SUSD4: variants seen among roughly 807,000 people sequenced by gnomAD.
SUSD4 encodes the protein sushi domain containing 4, also known as sushi domain-containing protein 4.
SUSD4 carries 41 observed loss-of-function variants against 50.5 expected under a neutral mutation model. The ratio of observed to expected loss-of-function variants is 0.81; its 90% CI spans 0.63 to 1.05. The LOEUF (loss-of-function observed/expected upper bound fraction) is 1.05. Ranked by LOEUF, SUSD4 falls within the 50% of genes least tolerant of loss-of-function variation. SUSD4 has a pLI of 0.00. For synonymous variants in SUSD4, 257 were observed against 257.3 expected, an observed-to-expected ratio of 1.00 and a Z score of 0.01; for missense variants, 580 against 634.7, an observed-to-expected ratio of 0.91 and a Z score of 0.93.
intron 2 of SUSD4, among the ~76,000 whole-genome samples, chr1:223,361,784 T>TAG (rs1377846545): frequency 6.6e-6 from 1 of 152,184 alleles, no homozygotes; most frequent in African/African-American, 2.4e-5. Flanking sequence ...GAATGAAAGC[T>TAG]AGAACTGGGA....
chr1:223,272,527 A>G (rs903836796), intron 3 of SUSD4, among the ~76,000 whole-genome samples: 3 of 152,250 alleles, frequency 2.0e-5, no homozygotes, highest in African/African-American at 7.2e-5. Context: ...TAGTAACAGT[A>G]AAAGAAATCT....
chr1:223,330,498 A>G (rs1166008944), intron 2 of SUSD4, among the ~76,000 whole-genome samples: 2 of 152,234 alleles, frequency 1.3e-5, no homozygotes, highest in Non-Finnish European at 2.9e-5. Context: ...GAAGATTCAG[A>G]AAACAACAAA....
At chr1:223,309,177 A>G (rs1247366625) in intron 2 of SUSD4, among the ~76,000 whole-genome samples, 1 of 152,214 alleles carries the variant, frequency 6.6e-6, no homozygotes, top group East Asian at 1.9e-4. Context: ...CAGGGATTCA[A>G]AGTAAAATTA....
chr1:223,356,164 ATT>A (rs11429350), intron 2 of SUSD4, among the ~76,000 whole-genome samples: 1 of 146,984 alleles, frequency 6.8e-6, no homozygotes, highest in South Asian at 2.2e-4. Context: ...AATTATTTCT[ATT>A]TTTTTTTTTT....
At chr1:223,254,453 A>T (rs1231806881) in intron 5 of SUSD4, among the ~76,000 whole-genome samples, 3 of 152,186 alleles carry the variant, frequency 2.0e-5, no homozygotes, top group Admixed American at 2.0e-4. Context: ...ACCAAGGCTA[A>T]AAGGAAGGCA....
chr1:223,223,176 C>G, intron 8 of SUSD4, 73 bp downstream of exon 8: 1 of 1,493,242 alleles, frequency 6.7e-7, no homozygotes, highest in Non-Finnish European at 8.9e-7. Flanking sequence ...GCGTGCGTAG[C>G]AAGGAGCTGG....
intron 2 of SUSD4, among the ~76,000 whole-genome samples, chr1:223,361,744 G>A (rs926959901): frequency 6.6e-6 from 1 of 152,214 alleles, no homozygotes; most frequent in Admixed American, 6.5e-5. Context: ...GGACCAAGAA[G>A]ATGGAAAATC....
intron 4 of SUSD4, among the ~76,000 whole-genome samples, chr1:223,266,698 TAGAG>T (rs1406438427): frequency 6.6e-6 from 1 of 152,238 alleles, no homozygotes; most frequent in Non-Finnish European, 1.5e-5. Flanking sequence ...TTCTAGATAA[TAGAG>T]AGAGGCCTCC....
intron 2 of SUSD4, among the ~76,000 whole-genome samples, chr1:223,350,969 A>G (rs1668327599): frequency 6.6e-6 from 1 of 152,278 alleles, no homozygotes; most frequent in Non-Finnish European, 1.5e-5. Flanking sequence ...ATAACTAAAA[A>G]TATAACAATA....
chr1:223,275,129 C>T (rs1266263662), intron 3 of SUSD4, among the ~76,000 whole-genome samples: 4 of 152,214 alleles, frequency 2.6e-5, no homozygotes, highest in Non-Finnish European at 5.9e-5. Flanking sequence ...AGCCTCTGGG[C>T]CTGGCAAGTA....
intron 4 of SUSD4, among the ~76,000 whole-genome samples, chr1:223,266,553 G>T (rs899763585): frequency 6.6e-6 from 1 of 152,176 alleles, no homozygotes. Context: ...CTGACTCAGA[G>T]TAAGGTTATA....
chr1:223,359,887 G>C (rs528547417), intron 2 of SUSD4, among the ~76,000 whole-genome samples: 1 of 152,298 alleles, frequency 6.6e-6, no homozygotes, highest in East Asian at 1.9e-4. Context: ...GAGTAAGAGA[G>C]AGTTCTAGGT....
chr1:223,334,831 A>G (rs1667369318), intron 2 of SUSD4, among the ~76,000 whole-genome samples: 1 of 152,008 alleles, frequency 6.6e-6, no homozygotes, highest in Admixed American at 6.6e-5. Context: ...GTAGTCTTTT[A>G]TCCCTCACCC....
intron 2 of SUSD4, among the ~76,000 whole-genome samples, chr1:223,356,933 G>A (rs1037638163): frequency 6.6e-6 from 1 of 152,216 alleles, no homozygotes; most frequent in Admixed American, 6.5e-5. Flanking sequence ...CTTGTCAAGT[G>A]CTTGTCCAAG....
In SUSD4 at chr1:223,250,697, C is replaced by T. The variant is rs561808687; in HGVS notation, c.724+13933G>A. ...TATTATGCACAATGGGGTTAGAGTT[C>T]GGAAAAGCCTTGAGGCCTCCAGAGC... is the stretch of plus-strand genomic sequence containing the variant. On this transcript the variant is annotated intron_variant, in intron 5 of 8. Transcript: ENST00000366878. Among the ~76,000 whole-genome samples the T allele has an allele frequency of 4.4e-4, 67 of 152,246 alleles. No individual in the cohort carries two copies. The South Asian group carries it at 0.013, about 30-fold the overall frequency.
intron 2 of SUSD4, among the ~76,000 whole-genome samples, chr1:223,345,915 C>A (rs139064765): frequency 1.3e-5 from 2 of 152,146 alleles, no homozygotes; most frequent in African/African-American, 4.8e-5. Context: ...CTCCTCCGGG[C>A]CTTCAGCACC....
rs1663754679 is a variant in SUSD4, at chr1:223,281,782, C to CA, written c.361+10656dup. The stretch of plus-strand genomic sequence containing the variant: ...ATACCAAAGCCTGGCAGAGACACAA[C>CA]AAAAAAAGAGAATTTTAGACCAATA... On this transcript the variant is annotated intron_variant, in intron 3 of 8. Transcript: ENST00000366878. 2.0e-5 allele frequency among the ~76,000 whole-genome samples: 3 copies of CA among 151,932 alleles called. No homozygotes were observed. The South Asian group carries it at 6.2e-4, about 32-fold the overall frequency.
chr1:223,334,205 T>C (rs1667331555), intron 2 of SUSD4, among the ~76,000 whole-genome samples: 1 of 152,098 alleles, frequency 6.6e-6, no homozygotes, highest in Admixed American at 6.5e-5. Context: ...AATGCTGTTT[T>C]AAAAGGAAAC....
intron 2 of SUSD4, among the ~76,000 whole-genome samples, chr1:223,317,856 T>C (rs1666309416): frequency 7.1e-6 from 1 of 141,052 alleles, no homozygotes; most frequent in Non-Finnish European, 1.5e-5. Context: ...TTTTTCTTTT[T>C]TTTTTTTTTT....
Sources: gnomAD v4.1 joint callset for allele counts (sites outside exome capture counted in the v4.1 genomes callset) on GRCh38, gnomAD v4.1.1 for gene constraint, MANE v1.5 for transcripts, NCBI Gene and HGNC (gene_info 2026-07-23, HGNC 2026-07-21) for gene names.